Variants in CAMTA2 observed in about 807,000 individuals in gnomAD.
The protein encoded by CAMTA2 is calmodulin-binding transcription activator 2.
In CAMTA2, 56 loss-of-function variants were observed where a neutral mutation model predicts 135.7. The observed-to-expected ratio is 0.41, with a 90% CI of 0.33 to 0.52. The LOEUF (loss-of-function observed/expected upper bound fraction) is 0.52, where lower values mean the gene tolerates loss of function less well. Among genes scored for constraint, CAMTA2 ranks in the 20% least tolerant of loss-of-function variants. The pLI is 0.16. For missense variants in CAMTA2, 1,358 were observed against 1,553.4 expected, an observed-to-expected ratio of 0.87 and a Z score of 2.11; for synonymous variants, 591 against 604.6, an observed-to-expected ratio of 0.98 and a Z score of 0.33.
At chr17:4,975,717 AAGAT>A (rs2151175587) in intron 11 of CAMTA2, among the ~76,000 whole-genome samples, 1 of 152,340 alleles carries the variant, frequency 6.6e-6, no homozygotes, top group East Asian at 1.9e-4. Flanking sequence ...GAGGGAGACT[AAGAT>A]AACACAGATG....
intron 1 of CAMTA2, chr17:4,987,077 C>A: frequency 7.2e-7 from 1 of 1,396,094 alleles, no homozygotes; most frequent in South Asian, 1.6e-5. Context: ...GGAGGCCCGT[C>A]GGGCTCGGCT....
chr17:4,973,013 G>GCGGAGA (rs767210020), intron 14 of CAMTA2, 22 bp from the exon 15 acceptor site: 3 of 1,601,890 alleles, frequency 1.9e-6, no homozygotes, highest in Admixed American at 1.7e-5. Context: ...GGCGGGACAG[G>GCGGAGA]CGGAGACGGA....
Position 4,968,682 on chromosome 17 carries a change from C to A in CAMTA2, c.*74G>T. On this transcript the variant is annotated 3_prime_UTR_variant, in exon 23 of 23. Coordinates refer to ENST00000348066, the MANE Select transcript of CAMTA2 (RefSeq NM_015099.4). ...GGAAAGCTGCCGACAGGGGCTCCCC[C>A]TGCCCCAGAAAGCCCTCTCCCTGTT... 1.3e-6 allele frequency: 2 copies of A among 1,559,722 alleles called. No homozygotes were observed. Among genetic ancestry groups the A allele is most frequent in the Non-Finnish European group, 1.8e-6 (2 of 1,136,038 alleles).
Position 4,981,241 on chromosome 17 carries a change from G to A in CAMTA2, c.684C>T (p.Leu228=), listed in dbSNP as rs1311490377. Residue 228 remains leucine, a synonymous_variant, in exon 8 of 23, where the codon CTC becomes CTT. Coordinates refer to ENST00000348066, the MANE Select transcript of CAMTA2 (RefSeq NM_015099.4). ...GTAACTTACCAAGCCCCCCACTGCA[G>A]AGACAGGCGTGGGTTCGGGGAGCAG... ...TKPAPRTHAC[L]CSGGLGSGSL... is the part of the protein sequence containing the mutation. 6.2e-7 allele frequency: 1 copy of A among 1,613,924 alleles called. No homozygotes were observed.
At chr17:4,975,191 T>A (rs1972541578) in intron 11 of CAMTA2, among the ~76,000 whole-genome samples, 1 of 151,960 alleles carries the variant, frequency 6.6e-6, no homozygotes, top group Admixed American at 6.6e-5. Flanking sequence ...ATCAGAGCTG[T>A]AGGAAAACAG....
At chr17:4,970,127 G>A (rs1297043054) in intron 17 of CAMTA2, 42 bp from the exon 18 acceptor site, 1 of 1,586,856 alleles carries the variant, frequency 6.3e-7, no homozygotes, top group Admixed American at 1.7e-5. Flanking sequence ...AGCATCTGAA[G>A]TCCCTCCTCT....
intron 12 of CAMTA2, 168 bp from the exon 13 acceptor site, chr17:4,973,937 C>T (rs964921629): frequency 6.6e-6 from 4 of 604,310 alleles, no homozygotes; most frequent in African/African-American, 5.6e-5. Context: ...GTGTCTCTTG[C>T]TCCCACAGCC....
At position 4,987,644 on chromosome 17, in the gene CAMTA2, A is replaced by C. The variant is rs1349372368; in HGVS notation, c.-116T>G. On this transcript the variant is annotated 5_prime_UTR_variant, in exon 1 of 23. Transcript: ENST00000348066. ...GCAGCGGCCATTCTACCCCACACCG[A>C]CCCCCCCCAGCGCCGGCTGACAGCG... 9.3e-6 allele frequency: 14 copies of C among 1,501,336 alleles called. No individual in the cohort carries two copies. The Admixed American group carries it at 1.2e-4, about 13-fold the overall frequency. The allele number at this position is 1,501,336 out of a possible 1,614,324, so 93.0% of individuals were successfully genotyped here.
Position 4,968,179 on chromosome 17 carries a change from C to T in CAMTA2, c.*577G>A, listed in dbSNP as rs1049202429. 4.0e-5 allele frequency: 11 copies of T among 275,864 alleles called. No homozygotes were observed. The highest frequency in any genetic ancestry group is 6.3e-5 in the Non-Finnish European group (9 of 143,188). The allele number at this position is 275,864 out of a possible 1,614,324, so 17.1% of individuals were successfully genotyped here. On this transcript the variant is annotated 3_prime_UTR_variant, in exon 23 of 23. Coordinates refer to ENST00000348066, the MANE Select transcript of CAMTA2 (RefSeq NM_015099.4). ...TCTGTATGTTACAGTATGTACAAGA[C>T]CCCTCCCCTCGGGGGACGGGGCGGA...
chr17:4,973,303 G>C (rs1405080202), intron 13 of CAMTA2, 50 bp from the exon 14 acceptor site: 1 of 1,468,194 alleles, frequency 6.8e-7, no homozygotes, highest in South Asian at 1.1e-5. Flanking sequence ...GAAAAAGTGG[G>C]CAAAGCAGGA....
Position 4,979,926 on chromosome 17 carries a change from G to A in CAMTA2, c.1396C>T (p.Pro466Ser), listed in dbSNP as rs1447168282. 1 of 1,611,846 alleles carries A rather than the reference G, an allele frequency of 6.2e-7. No homozygotes were observed. Among genetic ancestry groups the A allele is most frequent in the South Asian group, 1.1e-5 (1 of 90,956 alleles). ...HGAAPPIPSP[P>S]PSPPPSPAPL... ...GCAGGTGAGGGTGGGGGTGAGGGAG[G>A]GGGTGAAGGTATGGGTGGGGCAGCC... is the stretch of plus-strand genomic sequence containing the variant. The change falls in exon 9 of 23, where the codon CCT (proline) becomes TCT (serine). Residue 466 changes from proline to serine, a missense_variant. Pro to Ser is a moderately conservative substitution (Grantham distance 74, BLOSUM62 -1). This residue lies in a region of CAMTA2 where 1,077 missense variants were observed against 1,127.5 expected (regional missense o/e 0.96). Transcript: ENST00000348066.
chr17:4,970,601 A>G, intron 16 of CAMTA2, 65 bp from the exon 17 acceptor site: 2 of 1,342,552 alleles, frequency 1.5e-6, no homozygotes, highest in South Asian at 1.2e-5. Context: ...ACCTCAGTCC[A>G]TTCCTATCTT....
In CAMTA2 at chr17:4,980,164, C is replaced by T; in HGVS notation, c.1158G>A (p.Arg386=). 6 of 1,579,362 alleles carry T rather than the reference C, an allele frequency of 3.8e-6. No homozygotes were observed. The highest frequency in any genetic ancestry group is 5.2e-6 in the Non-Finnish European group (6 of 1,162,770). ...CCTGCCCCCCTCCATATGTCTGGCC[C>T]CTCTGGGGGCTGTTGAGAAAACGAT... The part of the protein sequence containing the change: ...DPDRFLNSPQ[R]GQTYGGGQGV... The change falls in exon 9 of 23, where the codon AGG becomes AGA. Residue 386 remains arginine, a synonymous_variant. Coordinates refer to ENST00000348066, the MANE Select transcript of CAMTA2 (RefSeq NM_015099.4). This position sits in a 1 kb window ranked among gnomAD's most constrained non-coding sequence, Gnocchi z 5.3.
chr17:4,983,473 CA>C (rs1177593077), intron 3 of CAMTA2, among the ~76,000 whole-genome samples: 33 of 151,828 alleles, frequency 2.2e-4, no homozygotes, highest in African/African-American at 8.0e-4. Context: ...TTAGTAGAGA[CA>C]GGATTTCACC....
intron 1 of CAMTA2, 180 bp downstream of exon 1, chr17:4,987,413 C>T (rs1238614719): frequency 2.0e-5 from 27 of 1,375,712 alleles, no homozygotes; most frequent in Non-Finnish European, 2.5e-5. Context: ...CGCTGGTCCG[C>T]CGTGGGGCCC....
At chr17:4,974,701 C>T (rs1389496587) in intron 11 of CAMTA2, 1 of 528,306 alleles carries the variant, frequency 1.9e-6, no homozygotes, top group East Asian at 3.4e-5. Flanking sequence ...TTAATACTAC[C>T]CACTGATCTA....
Position 4,987,667 on chromosome 17 carries a change from G to C in CAMTA2, c.-139C>G. The C allele has an allele frequency of 6.6e-7, 1 of 1,518,620 alleles. No individual in the cohort carries two copies. Among genetic ancestry groups the C allele is most frequent in the Non-Finnish European group, 8.8e-7 (1 of 1,137,308 alleles). The allele number at this position is 1,518,620 out of a possible 1,614,324, so 94.1% of individuals were successfully genotyped here. On this transcript the variant is annotated 5_prime_UTR_variant, in exon 1 of 23. Transcript: ENST00000348066. ...CGACCCCCCCCAGCGCCGGCTGACA[G>C]CGGCGTCTAACGTCACTGCGCACGG...
At chr17:4,976,989 T>A in intron 11 of CAMTA2, 69 bp downstream of exon 11, 2 of 1,454,018 alleles carry the variant, frequency 1.4e-6, no homozygotes, top group African/African-American at 1.4e-5. Flanking sequence ...GAACCCTGAG[T>A]GGTCTAGGAG....
In CAMTA2 at chr17:4,980,941, G is replaced by A. The variant is rs1972922911; in HGVS notation, c.700+284C>T. On this transcript the variant is annotated intron_variant, in intron 8 of 22. Coordinates refer to ENST00000348066, the MANE Select transcript of CAMTA2 (RefSeq NM_015099.4). This position sits in a 1 kb window ranked among gnomAD's most constrained non-coding sequence, Gnocchi z 5.3. ...ACAGAACCAAGGGGGTGCCAACTAG[G>A]AGGAAGGCTAAGGCTGGGTGTCACT... 6.6e-6 allele frequency among the ~76,000 whole-genome samples: 1 copy of A among 152,168 alleles called. No individual in the cohort carries two copies. Among genetic ancestry groups the A allele is most frequent in the Non-Finnish European group, 1.5e-5 (1 of 68,044 alleles).
Sources: allele counts gnomAD v4.1 joint callset (sites outside exome capture counted in the v4.1 genomes callset), GRCh38; gene constraint gnomAD v4.1.1; regional missense constraint gnomAD v4.1.1; non-coding constraint Gnocchi (gnomAD v3.1); transcripts MANE v1.5; gene names NCBI Gene and HGNC (gene_info 2026-07-23, HGNC 2026-07-21).